Variants in RAB44 observed in about 807,000 individuals in gnomAD.
RAB44 encodes the protein RAB44, member RAS oncogene family.
Under a neutral mutation model 93.3 loss-of-function variants are expected in RAB44, and 67 were observed. That is an observed-to-expected ratio of 0.72 (90% CI 0.59 to 0.88). The LOEUF (loss-of-function observed/expected upper bound fraction) is 0.88, where lower values mean the gene tolerates loss of function less well. Ranked by LOEUF, RAB44 falls within the 40% of genes least tolerant of loss-of-function variation. RAB44 has a pLI of 0.00. For synonymous variants in RAB44, 427 were observed against 520.3 expected, an observed-to-expected ratio of 0.82 and a Z score of 2.44; for missense variants, 1,064 against 1,261.7, an observed-to-expected ratio of 0.84 and a Z score of 2.37.
At chr6:36,727,719 C>G in intron 11 of RAB44, 28 bp downstream of exon 11, 3 of 1,390,356 alleles carry the variant, frequency 2.2e-6, no homozygotes, top group Non-Finnish European at 3.0e-6. Context: ...GGGGTTGGCC[C>G]CAGTCCCTCC....
intron 3 of RAB44, among the ~76,000 whole-genome samples, chr6:36,714,976 T>C (rs1393100758): frequency 6.6e-6 from 1 of 152,156 alleles, no homozygotes; most frequent in East Asian, 1.9e-4. Flanking sequence ...TTCTTGTAAT[T>C]CACATCTCAG....
At chr6:36,713,269 C>T (rs529427324) in intron 2 of RAB44, among the ~76,000 whole-genome samples, 2 of 152,206 alleles carry the variant, frequency 1.3e-5, no homozygotes, top group Non-Finnish European at 2.9e-5. Context: ...CATCTTGGCT[C>T]ACTGCAACTT....
At chr6:36,700,014 G>A (rs528818642) in intron 1 of RAB44, among the ~76,000 whole-genome samples, 22 of 152,208 alleles carry the variant, frequency 1.4e-4, no homozygotes, top group African/African-American at 4.3e-4. Context: ...CCCTACTCAC[G>A]TGAGGCCTCT....
At chr6:36,702,943 G>A (rs1479557265) in intron 1 of RAB44, among the ~76,000 whole-genome samples, 1 of 152,224 alleles carries the variant, frequency 6.6e-6, no homozygotes, top group East Asian at 1.9e-4. Context: ...AGGGGGCGGG[G>A]AGCAGTATGG....
Position 36,721,640 on chromosome 6 carries a change from GC to G in RAB44, c.1511del (p.Pro504LeufsTer56). On this transcript the variant is annotated frameshift_variant, in exon 9 of 14. Coordinates refer to ENST00000612677, the MANE Select transcript of RAB44 (RefSeq NM_001257357.2). LOFTEE classifies it high-confidence loss of function. Reference sequence around the variant, plus strand: ...AAGTGCTCATTCCTTTGGAGGATGGGCCCCCTCCCCCTGCGAACTCTCCCCC... The same window carrying G: ...AAGTGCTCATTCCTTTGGAGGATGGGCCCCTCCCCCTGCGAACTCTCCCCC... ...FKVLIPLEDG[P>X]PPPANSPPPQ... 1.6e-6 allele frequency: 2 copies of G among 1,234,516 alleles called. No homozygotes were observed. Among genetic ancestry groups the G allele is most frequent in the Non-Finnish European group, 2.0e-6 (2 of 988,382 alleles). 76.5% of individuals were successfully genotyped at this position (1,234,516 alleles called of 1,614,324 possible). A position where few individuals can be genotyped will look rare whatever the true frequency, so the allele number is the denominator to read the frequency against.
intron 1 of RAB44, among the ~76,000 whole-genome samples, chr6:36,699,774 A>G (rs1234975159): frequency 1.3e-5 from 2 of 152,212 alleles, no homozygotes; most frequent in Admixed American, 6.5e-5. Context: ...AATGGGATCA[A>G]TTGTATCTGC....
In RAB44 at chr6:36,732,038, C is replaced by T. The variant is rs1197119921; in HGVS notation, c.3011C>T (p.Ser1004Leu). The change falls in exon 14 of 14, where the codon TCG (serine) becomes TTG (leucine). Residue 1004 changes from serine (S) to leucine (L), a missense_variant. Coordinates refer to ENST00000612677, the MANE Select transcript of RAB44 (RefSeq NM_001257357.2). ...LRMQEEGLKD[S>L]LVKVAPKRPP... ...ATGCAAGAAGAAGGCCTGAAGGACT[C>T]GCTGGTGAAGGTGGCCCCCAAGAGG... 22 of 1,234,354 alleles carry T rather than the reference C, an allele frequency of 1.8e-5. No homozygotes were observed. The highest frequency in any genetic ancestry group is 4.2e-5 in the Admixed American group (1 of 23,704). The allele number at this position is 1,234,354 out of a possible 1,614,324, so 76.5% of individuals were successfully genotyped here. A position where few individuals can be genotyped will look rare whatever the true frequency, so the allele number is the denominator to read the frequency against.
Position 36,704,378 on chromosome 6 carries a change from T to G in RAB44, c.143T>G (p.Leu48Arg). Residue 48 changes from leucine to arginine, a missense_variant, in exon 2 of 14, where the codon CTG becomes CGG. By Grantham distance (102) the Leu-to-Arg change is moderately radical. Coordinates refer to ENST00000612677, the MANE Select transcript of RAB44 (RefSeq NM_001257357.2). The part of the protein sequence containing the change: ...ESWSSQAAAE[L>R]QAFFQDCGAK... ...TGGTCCTCTCAGGCAGCGGCAGAACTGCAGGCCTTCTTCCAGGACTGTGGT... is the reference window on the plus strand; with the variant it reads ...TGGTCCTCTCAGGCAGCGGCAGAACGGCAGGCCTTCTTCCAGGACTGTGGT... 2.6e-6 allele frequency: 4 copies of G among 1,536,110 alleles called. No homozygotes were observed. Among genetic ancestry groups the G allele is most frequent in the Non-Finnish European group, 3.5e-6 (4 of 1,146,904 alleles).
rs1280180347 is a variant in RAB44 at position 36,730,724 on chromosome 6, C to T, written c.2950C>T (p.Leu984=). 1 of 1,234,376 alleles carries T rather than the reference C, an allele frequency of 8.1e-7. No homozygotes were observed. Among genetic ancestry groups the T allele is most frequent in the Non-Finnish European group, 1.0e-6 (1 of 988,500 alleles). The allele number at this position is 1,234,376 out of a possible 1,614,324, so 76.5% of individuals were successfully genotyped here. Residue 984 remains leucine, a synonymous_variant, in exon 13 of 14, where the codon CTG becomes TTG. Coordinates refer to ENST00000612677, the MANE Select transcript of RAB44 (RefSeq NM_001257357.2). ...CAGTGCCGCCTTGGGTCACAACATC[C>T]TGGAGCCTGTAGTAAACCTGGCCAG... ...ECSAALGHNI[L]EPVVNLARSL...
rs1763078253 is a variant in RAB44 at position 36,721,486 on chromosome 6, A to G, written c.1352A>G (p.His451Arg). ...AAGGACAATAAAGGAGTGGACCCAC[A>G]TGAGCAGGACATTAGAGCAGAGCAG... ...SAKDNKGVDPHEQDIRAEQPV... is the reference protein window; with the variant it reads ...SAKDNKGVDPREQDIRAEQPV... Residue 451 changes from histidine (H) to arginine (R), a missense_variant, in exon 9 of 14, where the codon CAT (histidine) becomes CGT (arginine). Physicochemically the swap from His to Arg is conservative, Grantham distance 29 (BLOSUM62 0). Transcript: ENST00000612677. 4 of 1,234,540 alleles carry G rather than the reference A, an allele frequency of 3.2e-6. No individual in the cohort carries two copies. Among genetic ancestry groups the G allele is most frequent in the Non-Finnish European group, 4.0e-6 (4 of 988,312 alleles). The allele number at this position is 1,234,540 out of a possible 1,614,324, so 76.5% of individuals were successfully genotyped here.
At chr6:36,730,609 G>A in intron 12 of RAB44, 64 bp from the exon 13 acceptor site, 5 of 1,040,262 alleles carry the variant, frequency 4.8e-6, no homozygotes, top group Non-Finnish European at 6.2e-6. Context: ...TAGTGGCGGG[G>A]TATGGCCTGG....
Position 36,704,428 on chromosome 6 carries a change from C to T in RAB44, c.193C>T (p.Arg65Cys), listed in dbSNP as rs753694126. The change falls in exon 2 of 14, where the codon CGC becomes TGC. Residue 65 changes from arginine (R) to cysteine (C), a missense_variant. By Grantham distance (180) the Arg-to-Cys change is radical (BLOSUM62 -3). Coordinates refer to ENST00000612677, the MANE Select transcript of RAB44 (RefSeq NM_001257357.2). ...CGAKERGFVT[R>C]EDLAVAKFSF... ...TGCCAAGGAGAGGGGCTTTGTCACC[C>T]GCGAGGACCTGGCGGTGAGCCCAAG... 2.5e-5 allele frequency: 38 copies of T among 1,535,438 alleles called. No individual in the cohort carries two copies. Among genetic ancestry groups the T allele is most frequent in the African/African-American group, 1.1e-4 (8 of 72,990 alleles).
At chr6:36,709,537 T>C (rs77572926) in intron 2 of RAB44, among the ~76,000 whole-genome samples, 16,849 of 151,280 alleles carry the variant, frequency 0.11, 2,614 homozygotes, top group African/African-American at 0.35. Flanking sequence ...CAAGCATCTG[T>C]AGTTAATTGA....
At chr6:36,706,009 C>G (rs1380293372) in intron 2 of RAB44, among the ~76,000 whole-genome samples, 1 of 151,870 alleles carries the variant, frequency 6.6e-6, no homozygotes, top group Non-Finnish European at 1.5e-5. Flanking sequence ...AAGCGATTCT[C>G]TCACCTCAGG....
Position 36,721,224 on chromosome 6 carries a change from T to C in RAB44, c.1090T>C (p.Phe364Leu). Reference sequence around the variant, plus strand: ...TGAGGAGGCCCCCCTGCCTGGGCTATTTGGGGACAACGATGACTGGGACCA... The same window carrying C: ...TGAGGAGGCCCCCCTGCCTGGGCTACTTGGGGACAACGATGACTGGGACCA... ...SPEEAPLPGL[F>L]GDNDDWDQLL... The change falls in exon 9 of 14, where the codon TTT (phenylalanine) becomes CTT (leucine). Residue 364 changes from phenylalanine (F) to leucine (L), a missense_variant. By Grantham distance (22) the Phe-to-Leu change is conservative. Transcript: ENST00000612677. 8.2e-7 allele frequency: 1 copy of C among 1,217,778 alleles called. No homozygotes were observed. 75.4% of individuals were successfully genotyped at this position (1,217,778 alleles called of 1,614,324 possible).
Position 36,710,530 on chromosome 6 carries a change from C to A in RAB44, c.208-3298C>A, listed in dbSNP as rs777534498. 3.3e-5 allele frequency among the ~76,000 whole-genome samples: 5 copies of A among 150,692 alleles called. No individual in the cohort carries two copies. In the South Asian group the frequency reaches 8.3e-4, roughly 25 times the overall value. On this transcript the variant is annotated intron_variant, in intron 2 of 13. Coordinates refer to ENST00000612677, the MANE Select transcript of RAB44 (RefSeq NM_001257357.2). ...GGCATACAAATATCTGGGTCTTTGC[C>A]GCTTTCTTTTGTACAACTTTTTTTT...
chr6:36,704,053 A>G (rs1762577139), intron 1 of RAB44, among the ~76,000 whole-genome samples, 171 bp from the exon 2 acceptor site: 1 of 152,222 alleles, frequency 6.6e-6, no homozygotes, highest in Non-Finnish European at 1.5e-5. Flanking sequence ...ACGAGAGGCC[A>G]TGAGGCGGCT....
At position 36,717,962 on chromosome 6, in the gene RAB44, C is replaced by T; in HGVS notation, c.642-66C>T. ...GATTCCAAACCCAAGCCCAGACTGCCCCTGCCAGCAGCAGGCTCCCAGAGG... is the reference window on the plus strand; with the variant it reads ...GATTCCAAACCCAAGCCCAGACTGCTCCTGCCAGCAGCAGGCTCCCAGAGG... On this transcript the variant is annotated intron_variant, in intron 5 of 13. Transcript: ENST00000612677. The surrounding 1 kb of genome is among the most constrained non-coding windows in gnomAD (Gnocchi z 4.1). 9.8e-7 allele frequency: 1 copy of T among 1,016,722 alleles called. No homozygotes were observed. The highest frequency in any genetic ancestry group is 1.3e-6 in the Non-Finnish European group (1 of 791,554). The allele number at this position is 1,016,722 out of a possible 1,614,324, so 63.0% of individuals were successfully genotyped here.
intron 12 of RAB44, among the ~76,000 whole-genome samples, chr6:36,730,013 T>G (rs796218675): frequency 3.9e-5 from 6 of 152,316 alleles, no homozygotes; most frequent in African/African-American, 1.4e-4. Context: ...GAGGTTAGTA[T>G]TTGCCATTAA....
Sources: allele counts gnomAD v4.1 joint callset (sites outside exome capture counted in the v4.1 genomes callset), GRCh38; gene constraint gnomAD v4.1.1; non-coding constraint Gnocchi (gnomAD v3.1); transcripts MANE v1.5; gene names NCBI Gene and HGNC (gene_info 2026-07-23, HGNC 2026-07-21).